KLRG1: variants seen among roughly 807,000 people sequenced by gnomAD.
KLRG1 encodes killer cell lectin like receptor G1.
A neutral mutation model predicts 21.8 loss-of-function variants in KLRG1; 16 were observed. The ratio of observed to expected loss-of-function variants is 0.73; its 90% CI spans 0.50 to 1.11. KLRG1 has a LOEUF of 1.11. Ranked by LOEUF, KLRG1 falls within the 50% of genes most tolerant of loss-of-function variation. The probability of loss-of-function intolerance (pLI) is 0.00; values close to 1 mark genes in which losing one functional copy is unlikely to be tolerated. For missense variants in KLRG1, 173 were observed against 218.3 expected, an observed-to-expected ratio of 0.79 and a Z score of 1.31; for synonymous variants, 69 against 75.9, an observed-to-expected ratio of 0.91 and a Z score of 0.47.
rs867077504 is a variant in KLRG1 at position 8,992,212 on chromosome 12, C to G, written c.89C>G (p.Ser30Cys). 1.2e-6 allele frequency: 2 copies of G among 1,610,842 alleles called. No homozygotes were observed. The highest frequency in any genetic ancestry group is 3.4e-5 in the Admixed American group (2 of 59,032). The change falls in exon 2 of 5, where the codon TCT becomes TGT. Residue 30 changes from serine (S) to cysteine (C), a missense_variant. Ser to Cys is a moderately radical substitution (Grantham distance 112, BLOSUM62 -1). This residue lies in a region of KLRG1 where 144 missense variants were observed against 161.5 expected (regional missense o/e 0.89). Transcript: ENST00000356986. Reference protein sequence around the residue: ...NDYGPQQKSSSSRPSCSCLVA... With the variant: ...NDYGPQQKSSCSRPSCSCLVA... ...TTTGACTCTGTTGTTGCAGCTTCCT[C>G]TTCCAGGCCTTCTTGTTCTTGCCTT...
chr12:8,975,010 C>T (rs760548736), intron 1 of KLRG1, among the ~76,000 whole-genome samples: 103 of 152,134 alleles, frequency 6.8e-4, no homozygotes, highest in African/African-American at 2.4e-3. Context: ...ATTCTCCTAC[C>T]TCAGCCTCCA....
chr12:9,135,251 C>A, the KLRG1 span: 2 of 258,076 alleles, frequency 7.7e-6, no homozygotes, highest in Non-Finnish European at 1.6e-5. Context: ...AAAAGCCATA[C>A]AAAAGATCAA....
the KLRG1 span, chr12:9,158,659 C>T: frequency 2.9e-5 from 39 of 1,362,896 alleles, no homozygotes; most frequent in Non-Finnish European, 3.7e-5. Flanking sequence ...GCTCCCCCAT[C>T]ACAGTGTGCA....
chr12:9,116,303 G>T, the KLRG1 span: 4 of 219,950 alleles, frequency 1.8e-5, no homozygotes, highest in South Asian at 7.3e-5. Context: ...CTACAAGTCA[G>T]TGTGGCTGCA....
the KLRG1 span, among the ~76,000 whole-genome samples, chr12:9,104,844 T>C: frequency 6.2e-4 from 95 of 152,290 alleles, no homozygotes; most frequent in African/African-American, 2.2e-3. Flanking sequence ...CAAACACCTA[T>C]TTTGGAGTGG....
chr12:9,060,043 C>T, the KLRG1 span, among the ~76,000 whole-genome samples: 9 of 115,408 alleles, frequency 7.8e-5, no homozygotes, highest in East Asian at 1.2e-3. Flanking sequence ...TTCGCTCTGT[C>T]GCCCAGGCTG....
the KLRG1 span, chr12:9,072,932 T>A: frequency 7.1e-7 from 1 of 1,416,988 alleles, no homozygotes; most frequent in Non-Finnish European, 9.7e-7. Context: ...AGGGCTGAGA[T>A]ATTTTTCAAA....
chr12:9,095,314 G>A, the KLRG1 span, among the ~76,000 whole-genome samples: 1 of 152,128 alleles, frequency 6.6e-6, no homozygotes, highest in African/African-American at 2.4e-5. Context: ...ACATCACAGA[G>A]CAATTAATTC....
chr12:9,020,504 T>G, the KLRG1 span, among the ~76,000 whole-genome samples: 1 of 152,216 alleles, frequency 6.6e-6, no homozygotes, highest in Non-Finnish European at 1.5e-5. Flanking sequence ...ACATAGAGTT[T>G]TATAGAATCA....
chr12:9,143,709 T>A, the KLRG1 span, among the ~76,000 whole-genome samples: 61 of 152,208 alleles, frequency 4.0e-4, no homozygotes, highest in East Asian at 3.9e-3. Flanking sequence ...CCATTAGCTG[T>A]CATTATCTAA....
At chr12:9,138,746 A>G in the KLRG1 span, among the ~76,000 whole-genome samples, 1 of 152,080 alleles carries the variant, frequency 6.6e-6, no homozygotes, top group African/African-American at 2.4e-5. Context: ...GGGAATTTAC[A>G]CAATTCTTCT....
the KLRG1 span, among the ~76,000 whole-genome samples, chr12:9,078,471 T>C: frequency 1.3e-5 from 2 of 152,246 alleles, no homozygotes; most frequent in African/African-American, 4.8e-5. Flanking sequence ...TCCATGACTT[T>C]GTTATTGTAA....
chr12:9,081,932 C>T, the KLRG1 span, among the ~76,000 whole-genome samples: 1 of 152,210 alleles, frequency 6.6e-6, no homozygotes. Context: ...AACTGCATAG[C>T]CCATCTGCAA....
rs758707195 is a variant in KLRG1 at position 8,953,765 on chromosome 12, A to G, written c.-156+3529A>G. ...AAAATTTAAAGAATTATTTTCTAGT[A>G]AAAGATGATCAGTTACTAAAAGAGG... On this transcript the variant is annotated intron_variant, in intron 1 of 4. Coordinates refer to the KLRG1 transcript ENST00000539240. 2.6e-5 allele frequency among the ~76,000 whole-genome samples: 4 copies of G among 152,334 alleles called. No individual in the cohort carries two copies. The South Asian group carries it at 8.3e-4, about 32-fold the overall frequency.
chr12:9,167,103 T>A, the KLRG1 span: 3 of 152,210 alleles, frequency 2.0e-5, no homozygotes, highest in African/African-American at 7.2e-5. Flanking sequence ...TGGTAACAAT[T>A]TCTATCTCTG....
chr12:9,163,110 A>G, the KLRG1 span, among the ~76,000 whole-genome samples: 2 of 152,178 alleles, frequency 1.3e-5, no homozygotes, highest in African/African-American at 2.4e-5. Context: ...GGGAAGAGAT[A>G]ATAAGGGCAG....
At chr12:9,098,608 G>C in the KLRG1 span, 2 of 1,597,294 alleles carry the variant, frequency 1.3e-6, no homozygotes, top group South Asian at 2.3e-5. Flanking sequence ...GGAACTCACC[G>C]AGGACGCCGA....
chr12:9,071,035 G>C, the KLRG1 span, among the ~76,000 whole-genome samples: 1 of 151,928 alleles, frequency 6.6e-6, no homozygotes, highest in Non-Finnish European at 1.5e-5. Context: ...GGTCAGGCTG[G>C]TCTTGAACTC....
chr12:9,202,711 T>C, the KLRG1 span: 3 of 1,603,744 alleles, frequency 1.9e-6, no homozygotes, highest in Admixed American at 1.7e-5. Flanking sequence ...TTTTTACTAC[T>C]GAGGAACTGT....
Sources: allele counts gnomAD v4.1 joint callset (sites outside exome capture counted in the v4.1 genomes callset), GRCh38; gene constraint gnomAD v4.1.1; regional missense constraint gnomAD v4.1.1; transcripts MANE v1.5; gene names NCBI Gene and HGNC (gene_info 2026-07-23, HGNC 2026-07-21).